The following PKP2 variants were observed in gnomAD, a reference collection of about 807,000 sequenced individuals.
PKP2 encodes the protein plakophilin-2.
In PKP2, 73 loss-of-function variants were observed where a neutral mutation model predicts 83.4. The ratio of observed to expected loss-of-function variants is 0.88; its 90% CI spans 0.72 to 1.06. The LOEUF (loss-of-function observed/expected upper bound fraction) is 1.06. Among genes scored for constraint, PKP2 ranks in the 50% least tolerant of loss-of-function variants. The probability of loss-of-function intolerance (pLI) is 0.00; values close to 1 mark genes in which losing one functional copy is unlikely to be tolerated. For synonymous variants in PKP2, 409 were observed against 430.4 expected, an observed-to-expected ratio of 0.95 and a Z score of 0.62; for missense variants, 966 against 1,065.4, an observed-to-expected ratio of 0.91 and a Z score of 1.30.
chr12:32,846,582 C>A (rs1956646499), intron 5 of PKP2, among the ~76,000 whole-genome samples: 1 of 151,936 alleles, frequency 6.6e-6, no homozygotes, highest in South Asian at 2.1e-4. Flanking sequence ...TCCATCTCTA[C>A]TAAAAATACA....
At chr12:32,842,664 C>A (rs570611555) in intron 5 of PKP2, among the ~76,000 whole-genome samples, 1 of 152,296 alleles carries the variant, frequency 6.6e-6, no homozygotes, top group Admixed American at 6.5e-5. Context: ...ACTGCCCAGG[C>A]AACAATTCCT....
intron 5 of PKP2, among the ~76,000 whole-genome samples, chr12:32,844,594 T>C (rs555057599): frequency 6.6e-5 from 10 of 152,216 alleles, no homozygotes; most frequent in Non-Finnish European, 1.2e-4. Context: ...AGATTTTGGC[T>C]CACTGAAAGT....
intron 6 of PKP2, among the ~76,000 whole-genome samples, chr12:32,829,750 G>A (rs1335869928): frequency 6.6e-6 from 1 of 151,854 alleles, no homozygotes; most frequent in Non-Finnish European, 1.5e-5. Flanking sequence ...AACCTCCGCT[G>A]CCCAAGTTCA....
intron 10 of PKP2, among the ~76,000 whole-genome samples, chr12:32,796,750 T>A (rs1956129934): frequency 6.6e-6 from 1 of 152,128 alleles, no homozygotes; most frequent in Non-Finnish European, 1.5e-5. Context: ...TGGAAAGATG[T>A]AATTTCCCTA....
chr12:32,807,056 C>T (rs1488949881), intron 9 of PKP2, among the ~76,000 whole-genome samples: 3 of 151,986 alleles, frequency 2.0e-5, no homozygotes, highest in Non-Finnish European at 4.4e-5. Context: ...TTGGTTGCAC[C>T]GTTGTCTGAG....
intron 9 of PKP2, among the ~76,000 whole-genome samples, chr12:32,806,686 T>TTGTGTGTG (rs140484431): frequency 8.7e-5 from 13 of 149,712 alleles, no homozygotes; most frequent in African/African-American, 1.2e-4. Context: ...TTTGAAGGGT[T>TTGTGTGTG]TGTGTGTGTG....
intron 10 of PKP2, among the ~76,000 whole-genome samples, chr12:32,796,565 A>AT (rs972128444): frequency 1.6e-4 from 24 of 150,438 alleles, no homozygotes; most frequent in African/African-American, 2.4e-4. Flanking sequence ...TTATTTTTTT[A>AT]TTTTTTTTTA....
chr12:32,817,412 C>T lies in PKP2; in HGVS notation c.2013+3944G>A, dbSNP rs141003794. Among the ~76,000 whole-genome samples, 544 of 152,260 alleles carry T rather than the reference C, an allele frequency of 3.6e-3. 3 individuals are homozygous for T. Among genetic ancestry groups the T allele is most frequent in the African/African-American group, 0.012 (497 of 41,562 alleles). Reference sequence around the variant, plus strand: ...TGTTAGCTATTTCAATGTTATCTTTCGTCTATTAAGTCTCTTGTCCATTTA... The same window carrying T: ...TGTTAGCTATTTCAATGTTATCTTTTGTCTATTAAGTCTCTTGTCCATTTA... On this transcript the variant is annotated intron_variant, in intron 9 of 12. Coordinates refer to ENST00000340811, the MANE Select transcript of PKP2 (RefSeq NM_001005242.3).
chr12:32,880,610 C>T (rs1956976740), intron 1 of PKP2, among the ~76,000 whole-genome samples: 1 of 152,072 alleles, frequency 6.6e-6, no homozygotes, highest in African/African-American at 2.4e-5. Flanking sequence ...AATAGCCAGC[C>T]CACTCTCATG....
intron 1 of PKP2, chr12:32,894,903 G>A (rs1311880926): frequency 6.6e-6 from 1 of 152,092 alleles, no homozygotes; most frequent in Non-Finnish European, 1.5e-5. Context: ...TCCATGTATT[G>A]CAGCAGTTCT....
chr12:32,873,238 T>C (rs1430110284), intron 3 of PKP2, among the ~76,000 whole-genome samples: 1 of 151,330 alleles, frequency 6.6e-6, no homozygotes, highest in Non-Finnish European at 1.5e-5. Context: ...TAGTTGGGGC[T>C]ACAGGCATGC....
At chr12:32,866,335 T>G (rs1956848416) in intron 4 of PKP2, among the ~76,000 whole-genome samples, 1 of 151,924 alleles carries the variant, frequency 6.6e-6, no homozygotes, top group Non-Finnish European at 1.5e-5. Context: ...GCTGGCTCCT[T>G]TGAACTTGGG....
At chr12:32,858,064 CAAAA>C (rs777690496) in intron 4 of PKP2, among the ~76,000 whole-genome samples, 105 of 27,352 alleles carry the variant, frequency 3.8e-3, no homozygotes, top group African/African-American at 9.9e-3. Flanking sequence ...CCCATCTCTA[CAAAA>C]AAAAAAAAAA....
intron 3 of PKP2, 52 bp from the exon 4 acceptor site, chr12:32,869,114 C>T (rs776091597): frequency 6.2e-7 from 1 of 1,607,610 alleles, no homozygotes; most frequent in Non-Finnish European, 8.5e-7. Flanking sequence ...CTCCTCCTGC[C>T]TACCAACCTG....
chr12:32,858,113 A>ATT (rs1956769704), intron 4 of PKP2, among the ~76,000 whole-genome samples: 52 of 93,206 alleles, frequency 5.6e-4, no homozygotes, highest in African/African-American at 2.1e-3. Flanking sequence ...ATATATATAT[A>ATT]TATTTATATA....
chr12:32,878,400 G>C lies in PKP2; in HGVS notation c.480C>G (p.His160Gln). The change falls in exon 3 of 13, where the codon CAC becomes CAG. Residue 160 changes from histidine (H) to glutamine (Q), a missense_variant. Transcript: ENST00000340811. ...TGTACTGGTAATCGCTGTGCGTGTA[G>C]TGAGCCCTCTCCGGGCTGCTGTCAG... ...ISPDSSPERA[H>Q]YTHSDYQYSQ... The C allele has an allele frequency of 6.2e-7, 1 of 1,614,062 alleles. No individual in the cohort carries two copies. Among genetic ancestry groups the C allele is most frequent in the Non-Finnish European group, 8.5e-7 (1 of 1,179,960 alleles).
In PKP2 at chr12:32,812,462, T is replaced by C. The variant is rs376926222; in HGVS notation, c.2013+8894A>G. 1.9e-4 allele frequency among the ~76,000 whole-genome samples: 29 copies of C among 152,254 alleles called. 1 individual carries two copies. The East Asian group carries it at 5.4e-3, about 28-fold the overall frequency. On this transcript the variant is annotated intron_variant, in intron 9 of 12. Transcript: ENST00000340811. ...TAGTCATCTTTTCTGTTTCTTCTTGTTCAAGTTTTGGCAATTTACACACAC... is the reference window on the plus strand; with the variant it reads ...TAGTCATCTTTTCTGTTTCTTCTTGCTCAAGTTTTGGCAATTTACACACAC...
At chr12:32,870,139 C>T (rs147217298) in intron 3 of PKP2, among the ~76,000 whole-genome samples, 399 of 152,330 alleles carry the variant, frequency 2.6e-3, no homozygotes, top group African/African-American at 9.2e-3. Flanking sequence ...ACATTCCAGA[C>T]ACATTCATTC....
intron 5 of PKP2, chr12:32,843,306 TGTATG>T (rs1956617213): frequency 7.3e-7 from 1 of 1,364,898 alleles, no homozygotes; most frequent in East Asian, 4.5e-5. Context: ...TTAAATTGAC[TGTATG>T]GTCTGTACAA....
Sources: gnomAD v4.1 joint callset for allele counts (sites outside exome capture counted in the v4.1 genomes callset) on GRCh38, gnomAD v4.1.1 for gene constraint, MANE v1.5 for transcripts, NCBI Gene and HGNC (gene_info 2026-07-23, HGNC 2026-07-21) for gene names.